UTRN: variants seen among roughly 807,000 people sequenced by gnomAD.
UTRN encodes the protein utrophin.
Under a neutral mutation model 463.9 loss-of-function variants are expected in UTRN, and 283 were observed. That is an observed-to-expected ratio of 0.61 (90% confidence interval 0.55 to 0.67). The LOEUF is 0.67. Ranked by LOEUF, UTRN falls within the 30% of genes least tolerant of loss-of-function variation. The pLI is 0.00. For synonymous variants in UTRN, 1,442 were observed against 1,431.5 expected (o/e 1.01, Z -0.17); for missense variants, 3,922 against 4,084.3 (o/e 0.96, Z 1.08).
At chr6:144,754,866 A>G in intron 57 of UTRN, 68 bp downstream of exon 57, 2 of 1,457,700 alleles carry the variant, frequency 1.4e-6, no homozygotes, top group Non-Finnish European at 1.9e-6. Context: ...ACTTTAATTG[A>G]AGAAGCCGTA....
chr6:144,336,087 A>C (rs897418569), intron 2 of UTRN, among the ~76,000 whole-genome samples: 2 of 152,154 alleles, frequency 1.3e-5, no homozygotes, highest in Non-Finnish European at 2.9e-5. Context: ...AGTGGCCAAC[A>C]TCCTCAGATT....
intron 51 of UTRN, among the ~76,000 whole-genome samples, chr6:144,605,435 A>G (rs1282662396): frequency 6.6e-6 from 1 of 151,800 alleles, no homozygotes; most frequent in African/African-American, 2.4e-5. Flanking sequence ...TGATAATAGA[A>G]CTTCCTTTGC....
At chr6:144,486,380 T>C (rs904776870) in intron 28 of UTRN, among the ~76,000 whole-genome samples, 1 of 152,214 alleles carries the variant, frequency 6.6e-6, no homozygotes, top group Admixed American at 6.5e-5. Context: ...TCTTGAAATA[T>C]GGAAAATAAA....
At chr6:144,721,147 A>G (rs557810194) in intron 53 of UTRN, among the ~76,000 whole-genome samples, 1 of 152,302 alleles carries the variant, frequency 6.6e-6, no homozygotes, top group African/African-American at 2.4e-5. Context: ...TTGGGATTAT[A>G]TCTCCTTCTA....
intron 2 of UTRN, among the ~76,000 whole-genome samples, chr6:144,381,173 C>G (rs1487734265): frequency 6.6e-6 from 1 of 152,132 alleles, no homozygotes; most frequent in Non-Finnish European, 1.5e-5. Context: ...TCCCTCCCCC[C>G]AACCTCCACC....
At chr6:144,374,791 C>T (rs1471218749) in intron 2 of UTRN, among the ~76,000 whole-genome samples, 1 of 151,138 alleles carries the variant, frequency 6.6e-6, no homozygotes, top group African/African-American at 2.4e-5. Flanking sequence ...CTTAAAAATA[C>T]AAAAATTAAC....
intron 3 of UTRN, among the ~76,000 whole-genome samples, chr6:144,408,634 T>G (rs1171824344): frequency 6.6e-6 from 1 of 152,208 alleles, no homozygotes; most frequent in Non-Finnish European, 1.5e-5. Context: ...AAATTCAAAT[T>G]GACAGAACGT....
At chr6:144,819,205 T>A (rs1444148863) in intron 65 of UTRN, among the ~76,000 whole-genome samples, 1 of 152,210 alleles carries the variant, frequency 6.6e-6, no homozygotes, top group Non-Finnish European at 1.5e-5. Flanking sequence ...TGATGAATTT[T>A]AAATGATAAG....
intron 50 of UTRN, among the ~76,000 whole-genome samples, chr6:144,564,080 G>A (rs1436949943): frequency 1.3e-5 from 2 of 152,112 alleles, no homozygotes; most frequent in African/African-American, 4.8e-5. Context: ...GCCAAGCTCT[G>A]TGACCAGCCC....
intron 51 of UTRN, among the ~76,000 whole-genome samples, chr6:144,631,800 G>A (rs920482545): frequency 6.6e-6 from 1 of 151,806 alleles, no homozygotes; most frequent in African/African-American, 2.4e-5. Context: ...CTTGGCATTC[G>A]GAACACAATA....
chr6:144,573,193 G>A (rs111671087), intron 50 of UTRN, among the ~76,000 whole-genome samples: 7 of 152,096 alleles, frequency 4.6e-5, no homozygotes, highest in African/African-American at 7.2e-5. Context: ...GATATCCTTC[G>A]CCTACTTTTT....
intron 53 of UTRN, among the ~76,000 whole-genome samples, chr6:144,725,294 A>G (rs909064586): frequency 5.3e-5 from 8 of 152,212 alleles, no homozygotes; most frequent in Non-Finnish European, 1.2e-4. Context: ...AGGCCTCCCC[A>G]GCCATGGGGA....
chr6:144,816,555 A>G (rs1040875015), intron 65 of UTRN, among the ~76,000 whole-genome samples: 5 of 152,142 alleles, frequency 3.3e-5, no homozygotes, highest in African/African-American at 1.2e-4. Context: ...CCAAAATTTT[A>G]CAAATGGCTG....
At chr6:144,482,411 G>GTTGTTGTTATTATTATTA (rs780469923) in intron 27 of UTRN, 23 bp downstream of exon 27, 1 of 975,744 alleles carries the variant, frequency 1.0e-6, no homozygotes, top group African/African-American at 1.9e-5. Flanking sequence ...TATTATTGTT[G>GTTGTTGTTATTATTATTA]TTATTATTAT....
chr6:144,460,877 T>C (rs1177456176), intron 21 of UTRN, among the ~76,000 whole-genome samples: 1 of 152,198 alleles, frequency 6.6e-6, no homozygotes, highest in Non-Finnish European at 1.5e-5. Context: ...TGTGTAGCTG[T>C]TAAGGAAGAG....
chr6:144,479,810 A>G lies in UTRN; in HGVS notation c.3337-2A>G. 1 of 1,611,650 alleles carries G rather than the reference A, an allele frequency of 6.2e-7. No homozygotes were observed. The highest frequency in any genetic ancestry group is 8.5e-7 in the Non-Finnish European group (1 of 1,178,964). ...TTTGGGGGAATGGCTTTTCCTTTGTAGATCGCTACTCAAAAAAGTAGGTTG... is the reference window on the plus strand; with the variant it reads ...TTTGGGGGAATGGCTTTTCCTTTGTGGATCGCTACTCAAAAAAGTAGGTTG... On this transcript the variant is annotated splice_acceptor_variant, in intron 25 of 74. Coordinates refer to ENST00000367545, the MANE Select transcript of UTRN (RefSeq NM_007124.3). LOFTEE classifies it high-confidence loss of function.
At chr6:144,663,789 C>G (rs1780117187) in intron 51 of UTRN, among the ~76,000 whole-genome samples, 2 of 152,140 alleles carry the variant, frequency 1.3e-5, no homozygotes. Flanking sequence ...TGGCATTTAC[C>G]TCCTTTCACA....
At chr6:144,549,342 G>C (rs1206611212) in intron 47 of UTRN, among the ~76,000 whole-genome samples, 1 of 152,090 alleles carries the variant, frequency 6.6e-6, no homozygotes, top group Non-Finnish European at 1.5e-5. Context: ...GCTGTGAGTG[G>C]TACAAGGATA....
intron 67 of UTRN, 54 bp from the exon 68 acceptor site, chr6:144,827,557 A>G (rs1780294452): frequency 3.7e-6 from 6 of 1,607,728 alleles, no homozygotes; most frequent in Non-Finnish European, 5.1e-6. Context: ...TTCTAATAGT[A>G]ACACCTATCA....
Sources: gnomAD v4.1 joint callset for allele counts (sites outside exome capture counted in the v4.1 genomes callset) on GRCh38, gnomAD v4.1.1 for gene constraint, MANE v1.5 for transcripts, NCBI Gene and HGNC (gene_info 2026-07-23, HGNC 2026-07-21) for gene names.